The following CLEC4F variants were observed in gnomAD, a reference collection of about 807,000 sequenced individuals.
CLEC4F encodes C-type (calcium dependent, carbohydrate-recognition domain) lectin, superfamily member 13.
Under a neutral mutation model 53.4 loss-of-function variants are expected in CLEC4F, and 45 were observed. That is an observed-to-expected ratio of 0.84 (90% CI 0.66 to 1.08). The LOEUF is 1.08. Ranked by LOEUF, CLEC4F falls within the 50% of genes least tolerant of loss-of-function variation. The probability of loss-of-function intolerance (pLI) is 0.00; values close to 1 mark genes in which losing one functional copy is unlikely to be tolerated. For missense variants in CLEC4F, 753 were observed against 698.2 expected (o/e 1.08, Z -0.88); for synonymous variants, 245 against 257.5 (o/e 0.95, Z 0.46).
rs73937020 is a variant in CLEC4F, at chr2:70,811,677, C to T, written c.1539+770G>A. Among the ~76,000 whole-genome samples the T allele has an allele frequency of 1.6e-3, 243 of 152,236 alleles. 1 individual carries two copies. Among genetic ancestry groups the T allele is most frequent in the African/African-American group, 5.6e-3 (232 of 41,558 alleles). On this transcript the variant is annotated intron_variant, in intron 5 of 6. Transcript: ENST00000272367. Reference sequence around the variant, plus strand: ...GACCACGACAGTGAGCCACCTGGGACGGTATTGCGTTTGGTGGTCCTCGGA... The same window carrying T: ...GACCACGACAGTGAGCCACCTGGGATGGTATTGCGTTTGGTGGTCCTCGGA...
intron 6 of CLEC4F, 135 bp from the exon 7 acceptor site, chr2:70,809,517 G>T: frequency 3.0e-6 from 3 of 992,498 alleles, no homozygotes; most frequent in Non-Finnish European, 4.4e-6. Flanking sequence ...GTGTCCAAAC[G>T]CACACACATC....
upstream of CLEC4F, among the ~76,000 whole-genome samples, chr2:70,824,603 T>G (rs59993602): frequency 2.7e-5 from 3 of 113,104 alleles, no homozygotes. Context: ...TACCAGAAAG[T>G]AAGGAGATGC....
At chr2:70,822,976 G>A (rs577526130), upstream of CLEC4F, among the ~76,000 whole-genome samples, 2 of 152,368 alleles carry the variant, frequency 1.3e-5, no homozygotes, top group East Asian at 3.9e-4. Context: ...GGCCGGGCCA[G>A]GAGAACAGCT....
chr2:70,824,455 T>C (rs546274963), upstream of CLEC4F, among the ~76,000 whole-genome samples: 5 of 151,842 alleles, frequency 3.3e-5, no homozygotes, highest in African/African-American at 9.7e-5. Flanking sequence ...GATGTTCAAA[T>C]AGCAACAGCC....
intron 3 of CLEC4F, among the ~76,000 whole-genome samples, chr2:70,817,862 TAC>T (rs1438686059): frequency 6.6e-6 from 1 of 152,184 alleles, no homozygotes; most frequent in African/African-American, 2.4e-5. Flanking sequence ...AGTTTGAGGA[TAC>T]AGGAAACCTG....
Position 70,809,339 on chromosome 2 carries a change from CAAT to C in CLEC4F, c.1699_1701del (p.Ile567del). The stretch of plus-strand genomic sequence containing the variant: ...CTGCAAGCTCCCATCCCAGAATTCA[CAAT>C]AATATACTTTCTGAGTGGGCAGGAT... On this transcript the variant is annotated inframe_deletion, in exon 7 of 7. Transcript: ENST00000272367. 1.9e-6 allele frequency: 3 copies of C among 1,613,582 alleles called. No homozygotes were observed. The highest frequency in any genetic ancestry group is 2.5e-6 in the Non-Finnish European group (3 of 1,179,810).
upstream of CLEC4F, chr2:70,820,706 CT>C: frequency 1.8e-6 from 1 of 567,678 alleles, no homozygotes; most frequent in South Asian, 2.2e-5. Context: ...GGCCCCTCCC[CT>C]AGAGGCTCCC....
chr2:70,809,620 C>G, intron 6 of CLEC4F, 119 bp downstream of exon 6: 1 of 811,008 alleles, frequency 1.2e-6, no homozygotes, highest in Admixed American at 2.0e-5. Context: ...ATACACACCA[C>G]ACACGTCACA....
intron 1 of CLEC4F, 51 bp from the exon 2 acceptor site, chr2:70,819,942 G>C: frequency 1.5e-6 from 2 of 1,300,068 alleles, no homozygotes; most frequent in Non-Finnish European, 2.1e-6. Context: ...TGCAAGGTAA[G>C]AGGGTGCTGT....
chr2:70,809,862 A>T lies in CLEC4F; in HGVS notation c.1540-5T>A, dbSNP rs1676455662. ...TGTGAACTCTACCAGAAATGCCTGCAGAGAAAAGGCAGTGTCAGTTTGCCC... is the reference window on the plus strand; with the variant it reads ...TGTGAACTCTACCAGAAATGCCTGCTGAGAAAAGGCAGTGTCAGTTTGCCC... On this transcript the variant is annotated splice_region_variant and splice_polypyrimidine_tract_variant and intron_variant, in intron 5 of 6. Transcript: ENST00000272367. 2.5e-6 allele frequency: 4 copies of T among 1,601,576 alleles called. No individual in the cohort carries two copies. Among genetic ancestry groups the T allele is most frequent in the Non-Finnish European group, 1.7e-6 (2 of 1,168,420 alleles).
chr2:70,813,437 G>A (rs1676670682), intron 4 of CLEC4F, among the ~76,000 whole-genome samples: 1 of 152,110 alleles, frequency 6.6e-6, no homozygotes, highest in South Asian at 2.1e-4. Context: ...AGGAGGTGGG[G>A]CTCAGGAAGG....
At chr2:70,813,187 AG>A (rs1253404404) in intron 4 of CLEC4F, among the ~76,000 whole-genome samples, 15 of 152,340 alleles carry the variant, frequency 9.8e-5, no homozygotes, top group Admixed American at 9.8e-4. Context: ...GTGCCGCACA[AG>A]CTCAATTAAT....
In CLEC4F at chr2:70,808,840, A is replaced by G. The variant is rs1553393292; in HGVS notation, c.*431T>C. Reference sequence around the variant, plus strand: ...CCACAAGGCCAACGGAAGGTCCCAGAGAACAAGCAGAGCTCAGAGGCTCCG... The same window carrying G: ...CCACAAGGCCAACGGAAGGTCCCAGGGAACAAGCAGAGCTCAGAGGCTCCG... On this transcript the variant is annotated 3_prime_UTR_variant, in exon 7 of 7. Transcript: ENST00000272367. 3.7e-6 allele frequency: 2 copies of G among 544,608 alleles called. No individual in the cohort carries two copies. Among genetic ancestry groups the G allele is most frequent in the East Asian group, 6.3e-5 (2 of 31,950 alleles). The allele number at this position is 544,608 out of a possible 1,614,324, so 33.7% of individuals were successfully genotyped here.
Position 70,809,263 on chromosome 2 carries a change from G to A in CLEC4F, c.*8C>T. The A allele has an allele frequency of 6.2e-7, 1 of 1,613,678 alleles. No individual in the cohort carries two copies. Among genetic ancestry groups the A allele is most frequent in the Non-Finnish European group, 8.5e-7 (1 of 1,179,902 alleles). On this transcript the variant is annotated 3_prime_UTR_variant, in exon 7 of 7. Coordinates refer to ENST00000272367, the MANE Select transcript of CLEC4F (RefSeq NM_173535.3). ...AGTACCCTGAGGGTGTCTGTGCTCAGGTTGCTCTTAGTTACTGAGGATCCA... is the reference window on the plus strand; with the variant it reads ...AGTACCCTGAGGGTGTCTGTGCTCAAGTTGCTCTTAGTTACTGAGGATCCA...
chr2:70,817,584 G>C (rs1342639705), intron 3 of CLEC4F, among the ~76,000 whole-genome samples: 2 of 152,184 alleles, frequency 1.3e-5, no homozygotes, highest in Non-Finnish European at 2.9e-5. Flanking sequence ...ACCAAGCATA[G>C]AGCCTCTTGA....
In CLEC4F at chr2:70,816,857, C is replaced by G. The variant is rs781856497; in HGVS notation, c.524G>C (p.Gly175Ala). The G allele has an allele frequency of 6.2e-7, 1 of 1,614,180 alleles. No homozygotes were observed. Among genetic ancestry groups the G allele is most frequent in the Non-Finnish European group, 8.5e-7 (1 of 1,180,028 alleles). Reference sequence around the variant, plus strand: ...GAGCCTCTGGATCTCAGCATTGGTTCCCTCCAGGGAACTCCTTAACATCTG... The same window carrying G: ...GAGCCTCTGGATCTCAGCATTGGTTGCCTCCAGGGAACTCCTTAACATCTG... The part of the protein sequence containing the change: ...QTQMLRSSLE[G>A]TNAEIQRLKE... Residue 175 changes from glycine to alanine, a missense_variant, in exon 4 of 7, where the codon GGA (glycine) becomes GCA (alanine). Coordinates refer to ENST00000272367, the MANE Select transcript of CLEC4F (RefSeq NM_173535.3).
intron 4 of CLEC4F, 75 bp downstream of exon 4, chr2:70,815,919 G>A (rs1558614541): frequency 1.4e-6 from 2 of 1,456,216 alleles, no homozygotes; most frequent in Non-Finnish European, 1.9e-6. Flanking sequence ...GTAAAAAAGA[G>A]GCTGATGAGA....
At chr2:70,824,748 A>G (rs67923035), upstream of CLEC4F, among the ~76,000 whole-genome samples, 91,296 of 151,422 alleles carry the variant, frequency 0.6, 27,993 homozygotes, top group Middle Eastern at 0.7. Context: ...AACAAATAAA[A>G]TAGTATTGGA....
In CLEC4F at chr2:70,820,496, T is replaced by C. The variant is rs375805423; in HGVS notation, c.28A>G (p.Thr10Ala). 67 of 1,590,912 alleles carry C rather than the reference T, an allele frequency of 4.2e-5. No individual in the cohort carries two copies. Among genetic ancestry groups the C allele is most frequent in the Non-Finnish European group, 5.4e-5 (63 of 1,166,850 alleles). Residue 10 changes from threonine (T) to alanine (A), a missense_variant, in exon 1 of 7, where the codon ACA becomes GCA. By Grantham distance (58) the Thr-to-Ala change is moderately conservative (BLOSUM62 0). Coordinates refer to ENST00000272367, the MANE Select transcript of CLEC4F (RefSeq NM_173535.3). MDGEAVRFC[T>A]DNQCVSLHPQ... ...TGCAGGGAGACACACTGGTTATCTG[T>C]GCAGAAGCGGACTGCCTCACCGTCC...
Sources: gnomAD v4.1 joint callset for allele counts (sites outside exome capture counted in the v4.1 genomes callset) on GRCh38, gnomAD v4.1.1 for gene constraint, MANE v1.5 for transcripts, NCBI Gene and HGNC (gene_info 2026-07-23, HGNC 2026-07-21) for gene names.